SLX4: variants seen among roughly 807,000 people sequenced by gnomAD.
SLX4 encodes SLX4 structure-specific endonuclease subunit.
In SLX4, 112 loss-of-function variants were observed where a neutral mutation model predicts 146.2. That is an observed-to-expected ratio of 0.77 (90% confidence interval 0.66 to 0.90). The LOEUF (loss-of-function observed/expected upper bound fraction) is 0.90. Ranked by LOEUF, SLX4 falls within the 40% of genes least tolerant of loss-of-function variation. The pLI is 0.00. For missense variants in SLX4, 2,563 were observed against 2,392.7 expected (o/e 1.07, Z -1.49); for synonymous variants, 1,061 against 997.7 (o/e 1.06, Z -1.20).
In SLX4 at chr16:3,583,112, G is replaced by T; in HGVS notation, c.5138C>A (p.Ser1713Tyr). ...VATSVDGSDS[S>Y]LSSQSSSSCE... is the part of the protein sequence containing the mutation. ...ATCCGGTTACCTCTGTGAGCTCAAG[G>T]AGCTGTCACTGCCATCCACAGAGGT... Residue 1713 changes from serine to tyrosine, a missense_variant, in exon 14 of 15, where the codon TCC becomes TAC. Coordinates refer to ENST00000294008, the MANE Select transcript of SLX4 (RefSeq NM_032444.4). The T allele has an allele frequency of 1.2e-6, 2 of 1,614,262 alleles. No homozygotes were observed. The highest frequency in any genetic ancestry group is 1.3e-5 in the African/African-American group (1 of 75,076).
chr16:3,582,040 CAAAAAGAAAAAA>C lies in SLX4; in HGVS notation c.*290_*301del, dbSNP rs911269430. 6 of 464,958 alleles carry C rather than the reference CAAAAAGAAAAAA, an allele frequency of 1.3e-5. No homozygotes were observed. Among genetic ancestry groups the C allele is most frequent in the African/African-American group, 9.9e-5 (5 of 50,308 alleles). The allele number at this position is 464,958 out of a possible 1,614,324, so 28.8% of individuals were successfully genotyped here. ...CCTAGGTGACACAGCACGACTGTCT[CAAAAAGAAAAAA>C]AAAAAGAAAACCAAAAAGGGAGACA... On this transcript the variant is annotated 3_prime_UTR_variant, in exon 15 of 15. Transcript: ENST00000294008.
In SLX4 at chr16:3,590,859, C is replaced by T. The variant is rs767916829; in HGVS notation, c.2779G>A (p.Ala927Thr). The change falls in exon 12 of 15, where the codon GCT becomes ACT. Residue 927 changes from alanine to threonine, a missense_variant. Transcript: ENST00000294008. This position sits in a 1 kb window ranked among gnomAD's most constrained non-coding sequence, Gnocchi z 4.8. The stretch of plus-strand genomic sequence containing the variant: ...TGCTGGCCCTGGGGTGGCGGGAGAG[C>T]GCACTGTCCCATCTTCTCCCAGGTG... Reference protein sequence around the residue: ...ATTWEKMGQCALPPPQGQHSG... With the variant: ...ATTWEKMGQCTLPPPQGQHSG... The T allele has an allele frequency of 2.4e-5, 39 of 1,613,958 alleles. 1 individual carries two copies. Among genetic ancestry groups the T allele is most frequent in the East Asian group, 1.3e-4 (6 of 44,878 alleles).
chr16:3,595,534 G>C, intron 9 of SLX4, 71 bp downstream of exon 9: 1 of 1,572,126 alleles, frequency 6.4e-7, no homozygotes, highest in Admixed American at 1.7e-5. Context: ...CCAGCGGTGA[G>C]CCAACCCCAC....
intron 5 of SLX4, 193 bp downstream of exon 5, chr16:3,600,786 A>G (rs752313968): frequency 3.4e-6 from 2 of 590,312 alleles, no homozygotes; most frequent in African/African-American, 1.9e-5. Flanking sequence ...AGTAGAGACG[A>G]GATTGTACCA....
intron 12 of SLX4, among the ~76,000 whole-genome samples, chr16:3,586,570 G>A (rs1031056691): frequency 6.6e-6 from 1 of 152,110 alleles, no homozygotes; most frequent in Non-Finnish European, 1.5e-5. Flanking sequence ...CAGCACTGTG[G>A]GAGACCAAAG....
In SLX4 at chr16:3,606,455, A is replaced by T. The variant is rs372961281; in HGVS notation, c.760+19T>A. The T allele has an allele frequency of 5.0e-6, 8 of 1,612,716 alleles. No homozygotes were observed. In the Admixed American group the frequency reaches 1.0e-4, roughly 20 times the overall value. ...ATTAACTTATCTCTGTGTGGAAGAC[A>T]GAAACACACTCATCATACCATTCCC... On this transcript the variant is annotated intron_variant, in intron 3 of 14. Coordinates refer to ENST00000294008, the MANE Select transcript of SLX4 (RefSeq NM_032444.4).
At chr16:3,592,970 T>G in intron 10 of SLX4, 105 bp from the exon 11 acceptor site, 1 of 1,227,962 alleles carries the variant, frequency 8.1e-7, no homozygotes, top group Non-Finnish European at 1.1e-6. Flanking sequence ...TTTTTATTTT[T>G]CTTTTTAGAG....
intron 13 of SLX4, 26 bp from the exon 14 acceptor site, chr16:3,583,536 G>A: frequency 1.2e-6 from 2 of 1,613,132 alleles, no homozygotes; most frequent in Non-Finnish European, 1.7e-6. Flanking sequence ...GTGGATCTCA[G>A]GACCCACCCA....
At position 3,582,669 on chromosome 16, in the gene SLX4, C is replaced by A. The variant is rs140666540; in HGVS notation, c.5178G>T (p.Ala1726=). 6.2e-7 allele frequency: 1 copy of A among 1,612,892 alleles called. No individual in the cohort carries two copies. Among genetic ancestry groups the A allele is most frequent in the Non-Finnish European group, 8.5e-7 (1 of 1,180,026 alleles). The change falls in exon 15 of 15, where the codon GCG becomes GCT. Residue 1726 remains alanine, a synonymous_variant. Coordinates refer to ENST00000294008, the MANE Select transcript of SLX4 (RefSeq NM_032444.4). ...CCTCTTCACCTGCAGACTCAAATGC[C>A]GCTCCAAACTCACAGGAGGAAGAAC... ...SQSSSSCEFG[A]AFESAGEEEG...
chr16:3,589,970 G>A lies in SLX4; in HGVS notation c.3668C>T (p.Pro1223Leu), dbSNP rs376133540. 28 of 1,613,712 alleles carry A rather than the reference G, an allele frequency of 1.7e-5. No homozygotes were observed. The highest frequency in any genetic ancestry group is 3.3e-4 in the Middle Eastern group (2 of 6,082). ...VLQQEDEGALPENRGSLGRRG... is the reference protein window; with the variant it reads ...VLQQEDEGALLENRGSLGRRG... ...CCTGCCCAAAGAGCCCCGATTCTCC[G>A]GCAGCGCCCCCTCATCCTCCTGCTG... Residue 1223 changes from proline to leucine, a missense_variant, in exon 12 of 15, where the codon CCG (proline) becomes CTG (leucine). Transcript: ENST00000294008. This position sits in a 1 kb window ranked among gnomAD's most constrained non-coding sequence, Gnocchi z 6.2.
chr16:3,596,084 A>G, intron 8 of SLX4, 69 bp downstream of exon 8: 6 of 1,518,210 alleles, frequency 4.0e-6, no homozygotes, highest in Non-Finnish European at 5.3e-6. Context: ...AGTCCATGGC[A>G]GCCTCAGCCG....
In SLX4 at chr16:3,582,641, C is replaced by T. The variant is rs1029761357; in HGVS notation, c.5206G>A (p.Gly1736Ser). 13 of 1,613,346 alleles carry T rather than the reference C, an allele frequency of 8.1e-6. No individual in the cohort carries two copies. The highest frequency in any genetic ancestry group is 9.3e-6 in the Non-Finnish European group (11 of 1,180,022). The change falls in exon 15 of 15, where the codon GGC (glycine) becomes AGC (serine). Residue 1736 changes from glycine (G) to serine (S), a missense_variant. By Grantham distance (56) the Gly-to-Ser change is moderately conservative. Coordinates refer to ENST00000294008, the MANE Select transcript of SLX4 (RefSeq NM_032444.4). ...AAFESAGEEE[G>S]EGEVSASQAA... ...TGCGAGGCACTGACCTCCCCCTCGCCCTCCTCTTCACCTGCAGACTCAAAT... is the reference window on the plus strand; with the variant it reads ...TGCGAGGCACTGACCTCCCCCTCGCTCTCCTCTTCACCTGCAGACTCAAAT...
chr16:3,591,432 G>A, intron 11 of SLX4, 122 bp from the exon 12 acceptor site: 1 of 1,416,640 alleles, frequency 7.1e-7, no homozygotes, highest in Non-Finnish European at 9.6e-7. Context: ...CCCAGGCCCT[G>A]CTTCCCTTTG....
Position 3,583,567 on chromosome 16 carries a change from C to T in SLX4, c.4740-57G>A, listed in dbSNP as rs532253555. The T allele has an allele frequency of 4.8e-5, 76 of 1,592,070 alleles. 2 individuals are homozygous for T. The South Asian group carries it at 7.2e-4, about 15-fold the overall frequency. On this transcript the variant is annotated intron_variant, in intron 13 of 14. Coordinates refer to ENST00000294008, the MANE Select transcript of SLX4 (RefSeq NM_032444.4). ...ACCCACACAGCTGGTCCACACTCCA[C>T]GTTCCCTATCTTAGCAAAGAGTGAT...
In SLX4 at chr16:3,608,548, C is replaced by A; in HGVS notation, c.417G>T (p.Gly139=). The stretch of plus-strand genomic sequence containing the variant: ...GAGCAGAGGCAAGCACACCCCCCTC[C>A]CCATTCACAGAGTGGGCCGGTTCAC... The part of the protein sequence containing the change: ...QASEPAHSVN[G]EGGVLASAPD... The change falls in exon 2 of 15, where the codon GGG becomes GGT. Residue 139 remains glycine (G), a synonymous_variant. Coordinates refer to ENST00000294008, the MANE Select transcript of SLX4 (RefSeq NM_032444.4). The A allele has an allele frequency of 1.9e-6, 3 of 1,614,212 alleles. No homozygotes were observed. The highest frequency in any genetic ancestry group is 1.7e-6 in the Non-Finnish European group (2 of 1,180,044).
rs1467615374 is a variant in SLX4, at chr16:3,597,854, C to G, written c.1309G>C (p.Ala437Pro). 2 of 1,614,136 alleles carry G rather than the reference C, an allele frequency of 1.2e-6. No individual in the cohort carries two copies. The highest frequency in any genetic ancestry group is 1.1e-5 in the South Asian group (1 of 91,088). The change falls in exon 6 of 15, where the codon GCT becomes CCT. Residue 437 changes from alanine (A) to proline (P), a missense_variant. Ala to Pro is a conservative substitution (Grantham distance 27). Coordinates refer to ENST00000294008, the MANE Select transcript of SLX4 (RefSeq NM_032444.4). This position sits in a 1 kb window ranked among gnomAD's most constrained non-coding sequence, Gnocchi z 4.4. Reference sequence around the variant, plus strand: ...CTTTCCAGCCTGAGCGCTGGTACAGCCGCACCCGGCTCCATCTCCGACCGG... The same window carrying G: ...CTTTCCAGCCTGAGCGCTGGTACAGGCGCACCCGGCTCCATCTCCGACCGG... ...LSRSEMEPGAAVPALRLESAF... is the reference protein window; with the variant it reads ...LSRSEMEPGAPVPALRLESAF...
chr16:3,590,543 G>A lies in SLX4; in HGVS notation c.3095C>T (p.Pro1032Leu), dbSNP rs200924744. Reference sequence around the variant, plus strand: ...GGGAGGCCCCAATAGGAAGCGGCACGGGTGCGGTGGAGATGCCTGCCAGGG... The same window carrying A: ...GGGAGGCCCCAATAGGAAGCGGCACAGGTGCGGTGGAGATGCCTGCCAGGG... ...LAPWQASPPH[P>L]CRFLLGPPQG... Residue 1032 changes from proline (P) to leucine (L), a missense_variant, in exon 12 of 15, where the codon CCG (proline) becomes CTG (leucine). Pro to Leu is a moderately conservative substitution (Grantham distance 98, BLOSUM62 -3). Transcript: ENST00000294008. The surrounding 1 kb of genome is among the most constrained non-coding windows in gnomAD (Gnocchi z 4.8). 16 of 1,612,504 alleles carry A rather than the reference G, an allele frequency of 9.9e-6. No homozygotes were observed. The highest frequency in any genetic ancestry group is 6.7e-5 in the Admixed American group (4 of 60,010).
chr16:3,595,252 C>T (rs751457912), intron 9 of SLX4, among the ~76,000 whole-genome samples: 7 of 152,220 alleles, frequency 4.6e-5, no homozygotes, highest in African/African-American at 1.2e-4. Context: ...TACTGAGGAA[C>T]GAGCAGAGCG....
chr16:3,606,267 C>T (rs1043288920), intron 3 of SLX4, among the ~76,000 whole-genome samples: 15 of 151,860 alleles, frequency 9.9e-5, no homozygotes, highest in East Asian at 1.9e-4. Context: ...AAAAACAAAA[C>T]GGTACCTTAT....
Sources: gnomAD v4.1 joint callset for allele counts (sites outside exome capture counted in the v4.1 genomes callset) on GRCh38, gnomAD v4.1.1 for gene constraint, Gnocchi (gnomAD v3.1) non-coding constraint, MANE v1.5 for transcripts, NCBI Gene and HGNC (gene_info 2026-07-23, HGNC 2026-07-21) for gene names.